Variants in AKAP9 observed in about 807,000 individuals in gnomAD.
AKAP9 encodes A-kinase anchoring protein 9.
AKAP9 carries 311 observed loss-of-function variants against 488.5 expected under a neutral mutation model. That is an observed-to-expected ratio of 0.64 (90% CI 0.58 to 0.70). AKAP9 has a LOEUF of 0.70. Among genes scored for constraint, AKAP9 ranks in the 30% least tolerant of loss-of-function variants. The pLI is 0.00. For missense variants in AKAP9, 4,215 were observed against 4,374.5 expected, an observed-to-expected ratio of 0.96 and a Z score of 1.03; for synonymous variants, 1,462 against 1,483.5, an observed-to-expected ratio of 0.99 and a Z score of 0.33.
intron 14 of AKAP9, among the ~76,000 whole-genome samples, chr7:92,023,876 G>A (rs1802681228): frequency 6.6e-6 from 1 of 151,918 alleles, no homozygotes; most frequent in Admixed American, 6.6e-5. Context: ...ACTTCTCATT[G>A]GCTGTTCCTT....
At chr7:91,965,486 A>G (rs1292941487) in intron 1 of AKAP9, among the ~76,000 whole-genome samples, 65 of 152,228 alleles carry the variant, frequency 4.3e-4, no homozygotes, top group Admixed American at 4.3e-3. Flanking sequence ...TAGTACTACA[A>G]AAAAACATGG....
intron 17 of AKAP9, among the ~76,000 whole-genome samples, chr7:92,039,978 TAAATA>T (rs1449734775): frequency 2.6e-5 from 4 of 151,938 alleles, no homozygotes; most frequent in African/African-American, 7.3e-5. Context: ...CTCTCAAAAA[TAAATA>T]AAATAAAATT....
At chr7:92,026,331 C>CT (rs1554418389) in intron 14 of AKAP9, among the ~76,000 whole-genome samples, 2 of 151,996 alleles carry the variant, frequency 1.3e-5, no homozygotes, top group Non-Finnish European at 2.9e-5. Context: ...TCTCCCTCTC[C>CT]CTCTCTTCTC....
At chr7:92,021,181 T>C (rs1802269414) in intron 12 of AKAP9, among the ~76,000 whole-genome samples, 1 of 152,230 alleles carries the variant, frequency 6.6e-6, no homozygotes, top group Admixed American at 6.5e-5. Flanking sequence ...CTGACTTCCA[T>C]AATTACTCAG....
At chr7:92,105,850 G>A in intron 47 of AKAP9, 87 bp downstream of exon 47, 1 of 1,253,046 alleles carries the variant, frequency 8.0e-7, no homozygotes. Context: ...ATACTTGTCT[G>A]TGGCCTGTTA....
intron 21 of AKAP9, among the ~76,000 whole-genome samples, chr7:92,051,685 A>G (rs912814804): frequency 2.6e-5 from 4 of 152,226 alleles, no homozygotes; most frequent in Non-Finnish European, 5.9e-5. Flanking sequence ...TTAGCAAGAC[A>G]AGTTCTAATA....
chr7:91,991,737 C>T (rs1797786243), intron 3 of AKAP9, among the ~76,000 whole-genome samples: 1 of 152,184 alleles, frequency 6.6e-6, no homozygotes, highest in African/African-American at 2.4e-5. Context: ...TCCCAAAGTG[C>T]TGGGATTACA....
intron 16 of AKAP9, among the ~76,000 whole-genome samples, chr7:92,034,837 T>C (rs1376639374): frequency 6.6e-6 from 1 of 152,202 alleles, no homozygotes; most frequent in Admixed American, 6.5e-5. Context: ...GTGGCATCTG[T>C]AGTGTTATCC....
In AKAP9 at chr7:91,980,343, A is replaced by G; in HGVS notation, c.351+10A>G. On this transcript the variant is annotated intron_variant, in intron 3 of 49. Coordinates refer to ENST00000356239, the MANE Select transcript of AKAP9 (RefSeq NM_005751.5). ...TGACTGCAGTTCAGAGGTAAGACTA[A>G]ATTATATTGATTTCTAATATCATAA... 6.9e-7 allele frequency: 1 copy of G among 1,442,826 alleles called. No individual in the cohort carries two copies. The highest frequency in any genetic ancestry group is 9.6e-7 in the Non-Finnish European group (1 of 1,042,068). 89.4% of individuals were successfully genotyped at this position (1,442,826 alleles called of 1,614,324 possible). A position where few individuals can be genotyped will look rare whatever the true frequency, so the allele number is the denominator to read the frequency against.
At chr7:92,068,850 G>A (rs900940615) in intron 26 of AKAP9, among the ~76,000 whole-genome samples, 6 of 151,766 alleles carry the variant, frequency 4.0e-5, no homozygotes, top group Non-Finnish European at 7.4e-5. Flanking sequence ...TCATTTTTTA[G>A]ATAATTTCCT....
intron 38 of AKAP9, 103 bp from the exon 39 acceptor site, chr7:92,092,994 G>A: frequency 9.9e-7 from 1 of 1,011,862 alleles, no homozygotes; most frequent in South Asian, 1.5e-5. Flanking sequence ...TGTTTCCTTT[G>A]AAGTAATCTC....
chr7:92,038,586 T>A lies in AKAP9; in HGVS notation c.4506T>A (p.Thr1502=). The A allele has an allele frequency of 6.2e-7, 1 of 1,613,930 alleles. No homozygotes were observed. The highest frequency in any genetic ancestry group is 8.5e-7 in the Non-Finnish European group (1 of 1,179,918). Residue 1502 remains threonine (T), a synonymous_variant, in exon 17 of 50, where the codon ACT becomes ACA. Transcript: ENST00000356239. ...CACAGGATCAAATTGGTTTTCAGACTTTTGAGACAGTGGATGTGAAATTTA... is the reference window on the plus strand; with the variant it reads ...CACAGGATCAAATTGGTTTTCAGACATTTGAGACAGTGGATGTGAAATTTA... The part of the protein sequence containing the change: ...KLSQDQIGFQ[T]FETVDVKFKE...
At chr7:92,032,118 A>G (rs1272874842) in intron 16 of AKAP9, among the ~76,000 whole-genome samples, 1 of 152,236 alleles carries the variant, frequency 6.6e-6, no homozygotes, top group African/African-American at 2.4e-5. Flanking sequence ...CTTTAATATT[A>G]GCCATATACC....
At chr7:92,108,899 A>G (rs1159449794) in intron 49 of AKAP9, 1 of 506,676 alleles carries the variant, frequency 2.0e-6, no homozygotes, top group African/African-American at 1.9e-5. Flanking sequence ...GACTGATGAC[A>G]CAAAATGCAC....
At chr7:92,047,471 G>A (rs1187327901) in intron 21 of AKAP9, among the ~76,000 whole-genome samples, 2 of 152,014 alleles carry the variant, frequency 1.3e-5, no homozygotes, top group South Asian at 2.1e-4. Context: ...CACCAACCTC[G>A]GCCTCCCAAA....
At chr7:91,959,050 A>C (rs887423944) in intron 1 of AKAP9, among the ~76,000 whole-genome samples, 2 of 151,646 alleles carry the variant, frequency 1.3e-5, no homozygotes, top group Non-Finnish European at 2.9e-5. Flanking sequence ...ACGCCCGGCA[A>C]ATTTTTGTAT....
At position 92,045,117 on chromosome 7, in the gene AKAP9, G is replaced by C. The variant is rs142603711; in HGVS notation, c.5272G>C (p.Asp1758His). The change falls in exon 21 of 50, where the codon GAT becomes CAT. Residue 1758 changes from aspartate to histidine, a missense_variant. Physicochemically the swap from Asp to His is moderately conservative, Grantham distance 81 (BLOSUM62 -1). Coordinates refer to ENST00000356239, the MANE Select transcript of AKAP9 (RefSeq NM_005751.5). ...TIGRHVLGIL[D>H]RSSKSQSSAS... ...TGGTCGCCATGTCCTTGGGATTCTA[G>C]ATAGATCTAGTAAAAGCCAGTCATC... 1.2e-5 allele frequency: 19 copies of C among 1,613,570 alleles called. No homozygotes were observed. In the South Asian group the frequency reaches 2.0e-4, roughly 17 times the overall value.
In AKAP9 at chr7:92,002,063, G is replaced by C. The variant is rs755189264; in HGVS notation, c.2146G>C (p.Glu716Gln). 2 of 1,599,952 alleles carry C rather than the reference G, an allele frequency of 1.3e-6. No homozygotes were observed. The highest frequency in any genetic ancestry group is 1.7e-6 in the Non-Finnish European group (2 of 1,176,052). The change falls in exon 8 of 50, where the codon GAA becomes CAA. Residue 716 changes from glutamate (E) to glutamine (Q), a missense_variant. Glu to Gln is a conservative substitution (Grantham distance 29). This residue lies in a region of AKAP9 where 2,361 missense variants were observed against 2,430.0 expected (regional missense o/e 0.97). Transcript: ENST00000356239. ...GTCTCTTGTAAATTCAAAGTCAGAA[G>C]AAATGACTCTTCAAATCAATGAACT... ...QQSLVNSKSE[E>Q]MTLQINELQK... is the part of the protein sequence containing the mutation.
At chr7:92,020,489 C>T (rs181141857) in intron 12 of AKAP9, among the ~76,000 whole-genome samples, 68 of 152,248 alleles carry the variant, frequency 4.5e-4, no homozygotes, top group Middle Eastern at 3.4e-3. Context: ...TTGCTTATCG[C>T]GTTTCTCTTT....
Sources: gnomAD v4.1 joint callset for allele counts (sites outside exome capture counted in the v4.1 genomes callset) on GRCh38, gnomAD v4.1.1 for gene constraint, gnomAD v4.1.1 regional missense constraint, MANE v1.5 for transcripts, NCBI Gene and HGNC (gene_info 2026-07-23, HGNC 2026-07-21) for gene names.